The following DNAJC1 variants were observed in gnomAD, a reference collection of about 807,000 sequenced individuals.
DNAJC1 encodes the protein dnaJ homolog subfamily C member 1.
Under a neutral mutation model 76.6 loss-of-function variants are expected in DNAJC1, and 58 were observed. The ratio of observed to expected loss-of-function variants is 0.76; its 90% CI spans 0.61 to 0.94. The LOEUF (loss-of-function observed/expected upper bound fraction) is 0.94. Ranked by LOEUF, DNAJC1 falls within the 40% of genes least tolerant of loss-of-function variation. DNAJC1 has a pLI of 0.00. For missense variants in DNAJC1, 689 were observed against 677.3 expected (o/e 1.02, Z -0.19); for synonymous variants, 258 against 267.9 (o/e 0.96, Z 0.36).
At position 21,929,042 on chromosome 10, in the gene DNAJC1, G is replaced by C; in HGVS notation, c.322C>G (p.Gln108Glu). ...ATATAATAGCATATTTCACTTACTT[G>C]TCTAAACTGAGTTTCTGCATTTTCA... ...KDENAETQFR[Q>E]LVAIYEVLKD... Residue 108 changes from glutamine to glutamate, a missense_variant and splice_region_variant, in exon 2 of 12, where the codon CAA (glutamine) becomes GAA (glutamate). Transcript: ENST00000376980. 6.3e-7 allele frequency: 1 copy of C among 1,589,814 alleles called. No individual in the cohort carries two copies. Among genetic ancestry groups the C allele is most frequent in the Non-Finnish European group, 8.6e-7 (1 of 1,162,444 alleles).
intron 1 of DNAJC1, among the ~76,000 whole-genome samples, chr10:21,932,179 A>T (rs1159479275): frequency 6.6e-6 from 1 of 152,124 alleles, no homozygotes; most frequent in Non-Finnish European, 1.5e-5. Flanking sequence ...TGTGCAAAAA[A>T]AAATTGTTTA....
At chr10:22,001,038 T>A (rs1393044898) in intron 1 of DNAJC1, among the ~76,000 whole-genome samples, 1 of 152,244 alleles carries the variant, frequency 6.6e-6, no homozygotes, top group Non-Finnish European at 1.5e-5. Context: ...TATATTTACT[T>A]ACTTGGCTGT....
Position 21,852,346 on chromosome 10 carries a change from A to G in DNAJC1, c.978+29936T>C, listed in dbSNP as rs891204455. Among the ~76,000 whole-genome samples the G allele has an allele frequency of 5.3e-5, 8 of 152,272 alleles. No homozygotes were observed. In the South Asian group the frequency reaches 1.2e-3, roughly 24 times the overall value. On this transcript the variant is annotated intron_variant, in intron 8 of 11. Coordinates refer to ENST00000376980, the MANE Select transcript of DNAJC1 (RefSeq NM_022365.4). ...GTGGGCAATGAGAAGCAATTGCTCA[A>G]TGGGTACAGTTTCCTTTTGAGGTGA...
intron 1 of DNAJC1, among the ~76,000 whole-genome samples, chr10:21,959,994 C>T (rs953623240): frequency 4.6e-5 from 7 of 152,132 alleles, no homozygotes; most frequent in Non-Finnish European, 8.8e-5. Flanking sequence ...AATCTGAATA[C>T]TAACACCCTT....
At chr10:21,949,653 G>C (rs1837559957) in intron 1 of DNAJC1, among the ~76,000 whole-genome samples, 1 of 151,572 alleles carries the variant, frequency 6.6e-6, no homozygotes, top group East Asian at 2.0e-4. Context: ...TTGACCTCAA[G>C]TGATCTGCCC....
At chr10:21,798,136 T>C (rs1004020294) in intron 9 of DNAJC1, among the ~76,000 whole-genome samples, 1 of 152,200 alleles carries the variant, frequency 6.6e-6, no homozygotes, top group Admixed American at 6.5e-5. Context: ...AGGTTACAAG[T>C]ATACATTGCT....
intron 7 of DNAJC1, among the ~76,000 whole-genome samples, chr10:21,892,463 G>C (rs945572329): frequency 6.6e-6 from 1 of 151,634 alleles, no homozygotes; most frequent in African/African-American, 2.4e-5. Flanking sequence ...AGAAATGATA[G>C]AGAGAAATAA....
chr10:21,839,622 C>A (rs1217479574), intron 8 of DNAJC1, among the ~76,000 whole-genome samples: 1 of 151,900 alleles, frequency 6.6e-6, no homozygotes, highest in African/African-American at 2.4e-5. Flanking sequence ...GCTTACCAAC[C>A]AAAAAAAGCC....
chr10:21,814,424 G>A (rs1835041230), intron 8 of DNAJC1, among the ~76,000 whole-genome samples: 1 of 152,160 alleles, frequency 6.6e-6, no homozygotes, highest in African/African-American at 2.4e-5. Flanking sequence ...CTCCCTTTCA[G>A]AAAACAATTA....
chr10:21,952,359 T>C (rs977972545), intron 1 of DNAJC1, among the ~76,000 whole-genome samples: 2 of 152,172 alleles, frequency 1.3e-5, no homozygotes, highest in Non-Finnish European at 2.9e-5. Context: ...CTTAAAACAA[T>C]AGCTTTTTTT....
chr10:21,763,845 C>T (rs139665430), intron 10 of DNAJC1, among the ~76,000 whole-genome samples: 3 of 152,172 alleles, frequency 2.0e-5, no homozygotes, highest in African/African-American at 7.2e-5. Context: ...AGTGACGAGG[C>T]CACCATCAGC....
rs532836877 is a variant in DNAJC1 at position 21,787,773 on chromosome 10, G to T, written c.1098+18207C>A. Reference sequence around the variant, plus strand: ...CCACCAACACCTTAGACACCTACAGGCCTCACCACTGGGGTCACCTGCAGT... The same window carrying T: ...CCACCAACACCTTAGACACCTACAGTCCTCACCACTGGGGTCACCTGCAGT... On this transcript the variant is annotated intron_variant, in intron 9 of 11. Coordinates refer to ENST00000376980, the MANE Select transcript of DNAJC1 (RefSeq NM_022365.4). Among the ~76,000 whole-genome samples the T allele has an allele frequency of 3.3e-5, 5 of 152,292 alleles. No individual in the cohort carries two copies. In the South Asian group the frequency reaches 1.0e-3, roughly 32 times the overall value.
intron 8 of DNAJC1, among the ~76,000 whole-genome samples, chr10:21,813,557 A>G (rs1835026048): frequency 6.6e-6 from 1 of 151,786 alleles, no homozygotes; most frequent in Admixed American, 6.6e-5. Context: ...CATCACGCCC[A>G]GCTAATTTTT....
intron 7 of DNAJC1, among the ~76,000 whole-genome samples, chr10:21,898,271 G>C (rs1168196690): frequency 6.6e-6 from 1 of 152,066 alleles, no homozygotes; most frequent in Non-Finnish European, 1.5e-5. Flanking sequence ...ATACTCAATG[G>C]TAAATATATC....
chr10:21,856,972 G>C (rs1590017910), intron 8 of DNAJC1, among the ~76,000 whole-genome samples: 1 of 152,022 alleles, frequency 6.6e-6, no homozygotes, highest in African/African-American at 2.4e-5. Context: ...CTGATCTCAG[G>C]TGATCCACCC....
intron 6 of DNAJC1, among the ~76,000 whole-genome samples, chr10:21,911,142 G>A (rs1227276513): frequency 6.6e-6 from 1 of 151,904 alleles, no homozygotes; most frequent in Non-Finnish European, 1.5e-5. Flanking sequence ...CAGTGGTAGG[G>A]GGAGGGAAAT....
At chr10:21,906,841 A>G (rs1258570021) in intron 6 of DNAJC1, among the ~76,000 whole-genome samples, 3 of 152,180 alleles carry the variant, frequency 2.0e-5, no homozygotes, top group African/African-American at 7.2e-5. Context: ...AGTTAGAATG[A>G]TATCTTCTAC....
chr10:21,823,175 AAATCTATT>A (rs1442334731), intron 8 of DNAJC1, among the ~76,000 whole-genome samples: 14 of 152,326 alleles, frequency 9.2e-5, no homozygotes, highest in Middle Eastern at 3.4e-3. Context: ...ATCACAAGCG[AAATCTATT>A]AGAGGAGCTT....
chr10:21,928,697 A>G, intron 2 of DNAJC1, 145 bp from the exon 3 acceptor site: 1 of 641,186 alleles, frequency 1.6e-6, no homozygotes, highest in Non-Finnish European at 2.7e-6. Flanking sequence ...TATAAGTAAC[A>G]CTATGTTTTG....
Sources: allele counts gnomAD v4.1 joint callset (sites outside exome capture counted in the v4.1 genomes callset), GRCh38; gene constraint gnomAD v4.1.1; transcripts MANE v1.5; gene names NCBI Gene and HGNC (gene_info 2026-07-23, HGNC 2026-07-21).